The following FAM151A variants were observed in gnomAD, a reference collection of about 807,000 sequenced individuals.
FAM151A encodes the protein family with sequence similarity 151 member A, also known as protein FAM151A.
Under a neutral mutation model 40.4 loss-of-function variants are expected in FAM151A, and 41 were observed. That is an observed-to-expected ratio of 1.01 (90% confidence interval 0.79 to 1.32). FAM151A has a LOEUF of 1.32. Among genes scored for constraint, FAM151A ranks in the 40% most tolerant of loss-of-function variants. The pLI, the probability that FAM151A is intolerant of heterozygous loss-of-function variation, is 0.00. For synonymous variants in FAM151A, 337 were observed against 312.5 expected (o/e 1.08, Z -0.83); for missense variants, 740 against 740.4 (o/e 1.00, Z 0.01).
chr1:54,613,240 G>A (rs1325627312), intron 4 of FAM151A, among the ~76,000 whole-genome samples: 7 of 151,936 alleles, frequency 4.6e-5, no homozygotes, highest in South Asian at 2.1e-4. Flanking sequence ...TTAGCTGAAC[G>A]TGGTGGCGCA....
At position 54,609,698 on chromosome 1, in the gene FAM151A, A is replaced by G; in HGVS notation, c.1328T>C (p.Val443Ala). Residue 443 changes from valine (V) to alanine (A), a missense_variant, in exon 8 of 8, where the codon GTT becomes GCT. Physicochemically the swap from Val to Ala is moderately conservative, Grantham distance 64 (BLOSUM62 0). Coordinates refer to ENST00000302250, the MANE Select transcript of FAM151A (RefSeq NM_176782.3). Reference sequence around the variant, plus strand: ...ACTCCCGTGGGAGATTTTGGCCCCAACCCACACAGGCCAATGCAAGAGGCC... The same window carrying G: ...ACTCCCGTGGGAGATTTTGGCCCCAGCCCACACAGGCCAATGCAAGAGGCC... The part of the protein sequence containing the change: ...SLGLLHWPVW[V>A]GAKISHGSFS... The G allele has an allele frequency of 6.2e-7, 1 of 1,614,082 alleles. No homozygotes were observed. The highest frequency in any genetic ancestry group is 8.5e-7 in the Non-Finnish European group (1 of 1,180,028).
Position 54,614,862 on chromosome 1 carries a change from G to C in FAM151A, c.416-3C>G. The C allele has an allele frequency of 6.2e-7, 1 of 1,613,160 alleles. No individual in the cohort carries two copies. Among genetic ancestry groups the C allele is most frequent in the Admixed American group, 1.7e-5 (1 of 59,874 alleles). ...GTTCTTGAAGTCCAGTTTGATGCCT[G>C]TGGGGAAAGGAACAAGGGCTTGGGG... On this transcript the variant is annotated splice_polypyrimidine_tract_variant and splice_region_variant and intron_variant, in intron 3 of 7. Transcript: ENST00000302250.
rs1644120051 is a variant in FAM151A at position 54,611,670 on chromosome 1, A to G, written c.876T>C (p.Thr292=). ...TGTCATAGTAGACTTGGTGGACAGC[A>G]GTGTTATCCCGGACGTAGAGCAGAT... ...VEDLLYVRDN[T]AVHQVYYDIF... Residue 292 remains threonine (T), a synonymous_variant, in exon 6 of 8, where the codon ACT becomes ACC. Coordinates refer to ENST00000302250, the MANE Select transcript of FAM151A (RefSeq NM_176782.3). 1.2e-6 allele frequency: 2 copies of G among 1,614,026 alleles called. No individual in the cohort carries two copies. Among genetic ancestry groups the G allele is most frequent in the Non-Finnish European group, 1.7e-6 (2 of 1,179,984 alleles).
intron 6 of FAM151A, chr1:54,611,127 C>T: frequency 1.4e-6 from 1 of 691,530 alleles, no homozygotes; most frequent in Non-Finnish European, 1.8e-6. Flanking sequence ...TGGAATCCCT[C>T]AGTTTCTCTA....
intron 1 of FAM151A, among the ~76,000 whole-genome samples, chr1:54,621,066 C>G (rs1266271882): frequency 3.3e-5 from 5 of 150,464 alleles, no homozygotes; most frequent in Admixed American, 3.3e-4. Flanking sequence ...GAGGCCAAGG[C>G]AGAGAATCAC....
At chr1:54,622,303 A>G (rs1266686331) in intron 1 of FAM151A, among the ~76,000 whole-genome samples, 1 of 140,538 alleles carries the variant, frequency 7.1e-6, no homozygotes, top group Non-Finnish European at 1.5e-5. Context: ...AAAAAAGGCC[A>G]GGTATGGTGG....
chr1:54,611,183 C>T (rs1459156583), intron 6 of FAM151A, among the ~76,000 whole-genome samples: 2 of 152,142 alleles, frequency 1.3e-5, no homozygotes, highest in Non-Finnish European at 1.5e-5. Flanking sequence ...CCTGTAATCC[C>T]AGTACTTTGG....
At chr1:54,619,410 G>A (rs1230769357) in intron 2 of FAM151A, among the ~76,000 whole-genome samples, 1 of 152,142 alleles carries the variant, frequency 6.6e-6, no homozygotes, top group African/African-American at 2.4e-5. Context: ...TAACTTTTCT[G>A]AGCCTCTATT....
rs761106294 is a variant in FAM151A at position 54,609,241 on chromosome 1, G to A, written c.*27C>T. 5 of 1,593,132 alleles carry A rather than the reference G, an allele frequency of 3.1e-6. No homozygotes were observed. In the African/African-American group the frequency reaches 6.7e-5, roughly 21 times the overall value. On this transcript the variant is annotated 3_prime_UTR_variant, in exon 8 of 8. Transcript: ENST00000302250. ...CCCCGTGGGAAGCCTCCGCCCTGAG[G>A]TCCGCTGGCCCACCACCCCTGGGTG...
At chr1:54,615,913 G>A (rs1327433575) in intron 3 of FAM151A, 107 bp downstream of exon 3, 32 of 1,169,844 alleles carry the variant, frequency 2.7e-5, no homozygotes, top group Non-Finnish European at 3.6e-5. Flanking sequence ...AAGGCAATGA[G>A]CACCTCGTGT....
Position 54,612,571 on chromosome 1 carries a change from G to A in FAM151A, c.715C>T (p.Pro239Ser), listed in dbSNP as rs369589372. ...CGTACAGGGAAGGTGACCCTCTGGG[G>A]CACTCCTCCCACCAGCTCGTGCATC... ...EKMHELVGGV[P>S]QRVTFPVRSS... Residue 239 changes from proline to serine, a missense_variant, in exon 5 of 8, where the codon CCC becomes TCC. Pro to Ser is a moderately conservative substitution (Grantham distance 74). Coordinates refer to ENST00000302250, the MANE Select transcript of FAM151A (RefSeq NM_176782.3). 1 of 1,614,070 alleles carries A rather than the reference G, an allele frequency of 6.2e-7. No individual in the cohort carries two copies. Among genetic ancestry groups the A allele is most frequent in the African/African-American group, 1.3e-5 (1 of 75,012 alleles).
rs143721655 is a variant in FAM151A at position 54,610,525 on chromosome 1, G to A, written c.971C>T (p.Thr324Met). The change falls in exon 7 of 8, where the codon ACG (threonine) becomes ATG (methionine). Residue 324 changes from threonine to methionine, a missense_variant. By Grantham distance (81) the Thr-to-Met change is moderately conservative (BLOSUM62 -1). Coordinates refer to ENST00000302250, the MANE Select transcript of FAM151A (RefSeq NM_176782.3). Reference sequence around the variant, plus strand: ...GAGAAGAGGGATCAGGCTGCCTCCCGTGTAGTACATTGGTTTCCGTGTGGC... The same window carrying A: ...GAGAAGAGGGATCAGGCTGCCTCCCATGTAGTACATTGGTTTCCGTGTGGC... ...LNATRKPMYY[T>M]GGSLIPLLQL... is the part of the protein sequence containing the mutation. 1.3e-4 allele frequency: 209 copies of A among 1,613,182 alleles called. 1 individual carries two copies. Among genetic ancestry groups the A allele is most frequent in the Non-Finnish European group, 1.5e-4 (181 of 1,179,570 alleles).
At chr1:54,615,306 G>C (rs1455045868) in intron 3 of FAM151A, among the ~76,000 whole-genome samples, 2 of 152,154 alleles carry the variant, frequency 1.3e-5, no homozygotes, top group African/African-American at 4.8e-5. Flanking sequence ...TACTTTTCAG[G>C]GTGGTGAGGA....
intron 5 of FAM151A, among the ~76,000 whole-genome samples, 189 bp from the exon 6 acceptor site, chr1:54,611,934 G>A (rs1264898300): frequency 6.6e-6 from 1 of 152,090 alleles, no homozygotes; most frequent in East Asian, 1.9e-4. Context: ...CAGGAAAGAT[G>A]ACTGAAAGCA....
chr1:54,619,853 G>A lies in FAM151A; in HGVS notation c.262+11C>T. ...GCCCTGGCCTGCCTCAGTCTTGGCAGCTGGACTTACTGTTCAGGGCAGCTG... is the reference window on the plus strand; with the variant it reads ...GCCCTGGCCTGCCTCAGTCTTGGCAACTGGACTTACTGTTCAGGGCAGCTG... On this transcript the variant is annotated intron_variant, in intron 2 of 7. Coordinates refer to ENST00000302250, the MANE Select transcript of FAM151A (RefSeq NM_176782.3). 1 of 1,613,478 alleles carries A rather than the reference G, an allele frequency of 6.2e-7. No individual in the cohort carries two copies. The highest frequency in any genetic ancestry group is 1.1e-5 in the South Asian group (1 of 91,048).
Position 54,623,431 on chromosome 1 carries a change from C to T in FAM151A, c.-36G>A, listed in dbSNP as rs576301479. On this transcript the variant is annotated 5_prime_UTR_variant, in exon 1 of 8. Coordinates refer to ENST00000302250, the MANE Select transcript of FAM151A (RefSeq NM_176782.3). ...TCTGGGGAATGCCCCCAACTCCGTG[C>T]GGCCCAGAGTCCCTGAGGCTCCCTG... 2.8e-5 allele frequency: 42 copies of T among 1,522,740 alleles called. No individual in the cohort carries two copies. The East Asian group carries it at 5.4e-4, about 20-fold the overall frequency. The allele number at this position is 1,522,740 out of a possible 1,614,324, so 94.3% of individuals were successfully genotyped here.
At chr1:54,613,705 CA>C (rs1207458876) in intron 4 of FAM151A, among the ~76,000 whole-genome samples, 1 of 152,120 alleles carries the variant, frequency 6.6e-6, no homozygotes, top group African/African-American at 2.4e-5. Context: ...ACTGCCCACC[CA>C]AAAAAACCCT....
chr1:54,622,814 G>T (rs1262980636), intron 1 of FAM151A, among the ~76,000 whole-genome samples: 2 of 143,118 alleles, frequency 1.4e-5, no homozygotes, highest in East Asian at 4.2e-4. Flanking sequence ...GTCATGTAGG[G>T]TTGGGGGATG....
At chr1:54,614,595 A>G (rs1644151589) in intron 4 of FAM151A, 105 bp downstream of exon 4, 1 of 1,159,416 alleles carries the variant, frequency 8.6e-7, no homozygotes, top group Non-Finnish European at 1.2e-6. Context: ...GGCTATATAT[A>G]GTATGATTGG....
Sources: allele counts gnomAD v4.1 joint callset (sites outside exome capture counted in the v4.1 genomes callset), GRCh38; gene constraint gnomAD v4.1.1; transcripts MANE v1.5; gene names NCBI Gene and HGNC (gene_info 2026-07-23, HGNC 2026-07-21).